PTPN1: variants seen among roughly 807,000 people sequenced by gnomAD.
The protein encoded by PTPN1 is protein tyrosine phosphatase non-receptor type 1.
A neutral mutation model predicts 59.9 loss-of-function variants in PTPN1; 12 were observed. The observed-to-expected ratio is 0.20, with a 90% CI of 0.13 to 0.32. PTPN1 has a LOEUF of 0.32. Ranked by LOEUF, PTPN1 falls within the 10% of genes least tolerant of loss-of-function variation. PTPN1 has a pLI of 1.00. For missense variants in PTPN1, 356 were observed against 549.2 expected (o/e 0.65, Z 3.52); for synonymous variants, 178 against 203.6 (o/e 0.87, Z 1.07).
At chr20:50,515,791 C>G (rs2082526427) in intron 1 of PTPN1, among the ~76,000 whole-genome samples, 1 of 152,166 alleles carries the variant, frequency 6.6e-6, no homozygotes, top group African/African-American at 2.4e-5. Flanking sequence ...TTCCTGGCTC[C>G]CACTCTAGGG....
At chr20:50,529,248 A>T (rs2018703646) in intron 1 of PTPN1, among the ~76,000 whole-genome samples, 1 of 152,184 alleles carries the variant, frequency 6.6e-6, no homozygotes, top group Non-Finnish European at 1.5e-5. Flanking sequence ...CAGTGGTATG[A>T]GAGAGTCTCT....
intron 3 of PTPN1, 89 bp downstream of exon 3, chr20:50,565,158 C>G (rs2082773023): frequency 2.1e-5 from 28 of 1,319,788 alleles, no homozygotes; most frequent in Non-Finnish European, 2.9e-5. Context: ...TCTGCCACAT[C>G]CTTTAGAAGG....
intron 1 of PTPN1, among the ~76,000 whole-genome samples, chr20:50,524,909 T>A (rs2082567735): frequency 6.6e-6 from 1 of 151,596 alleles, no homozygotes; most frequent in African/African-American, 2.4e-5. Context: ...AGTACACAGA[T>A]AGCTTTGAGT....
At chr20:50,510,899 C>T (rs1272018545) in intron 1 of PTPN1, among the ~76,000 whole-genome samples, 3 of 152,068 alleles carry the variant, frequency 2.0e-5, no homozygotes, top group Admixed American at 1.3e-4. Flanking sequence ...CCCGACCCCG[C>T]CCCCTGCCTG....
At chr20:50,550,807 C>T (rs2122763772) in intron 1 of PTPN1, among the ~76,000 whole-genome samples, 1 of 152,358 alleles carries the variant, frequency 6.6e-6, no homozygotes, top group East Asian at 1.9e-4. Flanking sequence ...GCTGCCTCTA[C>T]TTCTTCACTT....
chr20:50,538,867 A>G (rs976887184), intron 1 of PTPN1, among the ~76,000 whole-genome samples: 6 of 152,054 alleles, frequency 3.9e-5, no homozygotes, highest in African/African-American at 1.2e-4. Context: ...GCTGCTACCT[A>G]TAAAAGCAAT....
At chr20:50,534,985 C>CGGAACTCCTGCCTTCAGGT (rs1393868140) in intron 1 of PTPN1, among the ~76,000 whole-genome samples, 1 of 152,082 alleles carries the variant, frequency 6.6e-6, no homozygotes, top group Non-Finnish European at 1.5e-5. Flanking sequence ...TGCCTTCAGG[C>CGGAACTCCTGCCTTCAGGT]GGTCCTCCTG....
chr20:50,564,869 A>G, intron 2 of PTPN1, 100 bp from the exon 3 acceptor site: 1 of 1,550,020 alleles, frequency 6.5e-7, no homozygotes, highest in Non-Finnish European at 8.7e-7. Context: ...GAATGCCACT[A>G]ATGCCACCAA....
At chr20:50,535,547 A>G (rs1273651031) in intron 1 of PTPN1, among the ~76,000 whole-genome samples, 1 of 152,210 alleles carries the variant, frequency 6.6e-6, no homozygotes, top group Non-Finnish European at 1.5e-5. Flanking sequence ...AATTCGCCTT[A>G]GGACTCCATC....
At chr20:50,578,656 G>C in intron 6 of PTPN1, 27 bp downstream of exon 6, 1 of 1,597,476 alleles carries the variant, frequency 6.3e-7, no homozygotes, top group Non-Finnish European at 8.6e-7. Context: ...GGGTGCCCTG[G>C]GGAGCTCCTC....
intron 1 of PTPN1, among the ~76,000 whole-genome samples, chr20:50,538,951 G>C (rs1420404179): frequency 2.7e-5 from 4 of 150,736 alleles, no homozygotes; most frequent in Non-Finnish European, 5.9e-5. Flanking sequence ...GTAGTATAGA[G>C]TGTTGTCTCC....
chr20:50,549,288 G>A (rs1370918218), intron 1 of PTPN1, among the ~76,000 whole-genome samples: 2 of 152,168 alleles, frequency 1.3e-5, no homozygotes, highest in African/African-American at 4.8e-5. Flanking sequence ...GTACATCAGA[G>A]TGTGAAAGCA....
rs537151427 is a variant in PTPN1, at chr20:50,561,265, C to G, written c.64-98C>G. ...TACATACCTCTGAATTATCACCTTGCATTTCCCATATTGCCCGGCTCTCTT... is the reference window on the plus strand; with the variant it reads ...TACATACCTCTGAATTATCACCTTGGATTTCCCATATTGCCCGGCTCTCTT... On this transcript the variant is annotated intron_variant, in intron 1 of 9. Coordinates refer to ENST00000371621, the MANE Select transcript of PTPN1 (RefSeq NM_002827.4). 6 of 900,046 alleles carry G rather than the reference C, an allele frequency of 6.7e-6. No homozygotes were observed. In the South Asian group the frequency reaches 9.8e-5, roughly 15 times the overall value. 55.8% of individuals were successfully genotyped at this position (900,046 alleles called of 1,614,324 possible).
intron 1 of PTPN1, among the ~76,000 whole-genome samples, chr20:50,543,082 G>T (rs755670222): frequency 6.6e-6 from 1 of 152,174 alleles, no homozygotes; most frequent in African/African-American, 2.4e-5. Flanking sequence ...TTAGAAGTCA[G>T]ATAACTGCCA....
At chr20:50,564,178 G>A (rs1224390372) in intron 2 of PTPN1, among the ~76,000 whole-genome samples, 3 of 152,078 alleles carry the variant, frequency 2.0e-5, no homozygotes, top group Non-Finnish European at 2.9e-5. Flanking sequence ...GTTGAAGTTC[G>A]ATCTTAAATC....
chr20:50,533,740 C>T (rs912273738), intron 1 of PTPN1, among the ~76,000 whole-genome samples: 2 of 151,770 alleles, frequency 1.3e-5, no homozygotes, highest in African/African-American at 4.8e-5. Context: ...AAGGTTCAGT[C>T]GGGCATCACT....
In PTPN1 at chr20:50,568,739, C is replaced by T. The variant is rs1471985387; in HGVS notation, c.354+261C>T. On this transcript the variant is annotated intron_variant, in intron 4 of 9. Coordinates refer to ENST00000371621, the MANE Select transcript of PTPN1 (RefSeq NM_002827.4). The surrounding 1 kb of genome is among the most constrained non-coding windows in gnomAD (Gnocchi z 5.6). ...CTCCTGTGTGGTGCGTGTGGCGCTC[C>T]GCCCACCTGTGCTGCCTGTGCGGCT... is the stretch of plus-strand genomic sequence containing the variant. Among the ~76,000 whole-genome samples, 4 of 152,188 alleles carry T rather than the reference C, an allele frequency of 2.6e-5. No individual in the cohort carries two copies. The highest frequency in any genetic ancestry group is 7.2e-5 in the African/African-American group (3 of 41,436).
chr20:50,554,328 A>C (rs1430837942), intron 1 of PTPN1, among the ~76,000 whole-genome samples: 1 of 150,896 alleles, frequency 6.6e-6, no homozygotes, highest in Non-Finnish European at 1.5e-5. Flanking sequence ...TCAAGGCTGG[A>C]GTGAGCTAGG....
At chr20:50,579,597 G>T (rs2082855017) in intron 7 of PTPN1, 106 bp from the exon 8 acceptor site, 1 of 1,052,520 alleles carries the variant, frequency 9.5e-7, no homozygotes, top group Admixed American at 2.1e-5. Flanking sequence ...GCCCTGAGAG[G>T]CCGAGAGCCC....
Sources: allele counts gnomAD v4.1 joint callset (sites outside exome capture counted in the v4.1 genomes callset), GRCh38; gene constraint gnomAD v4.1.1; non-coding constraint Gnocchi (gnomAD v3.1); transcripts MANE v1.5; gene names NCBI Gene and HGNC (gene_info 2026-07-23, HGNC 2026-07-21).